The following NFKB1 variants were observed in gnomAD, a reference collection of about 807,000 sequenced individuals.
NFKB1 encodes nuclear factor kappa B subunit 1, also known as nuclear factor NF-kappa-B p105 subunit.
A neutral mutation model predicts 105.1 loss-of-function variants in NFKB1; 9 were observed. The observed-to-expected ratio is 0.09, with a 90% CI of 0.05 to 0.15. The LOEUF (loss-of-function observed/expected upper bound fraction) is 0.15, where lower values mean the gene tolerates loss of function less well. Among genes scored for constraint, NFKB1 ranks in the 10% least tolerant of loss-of-function variants. The pLI is 1.00. For missense variants in NFKB1, 830 were observed against 1,203.7 expected, an observed-to-expected ratio of 0.69 and a Z score of 4.59; for synonymous variants, 440 against 442.2, an observed-to-expected ratio of 1.00 and a Z score of 0.06.
chr4:102,593,492 T>C lies in NFKB1; in HGVS notation c.1134T>C (p.Gly378=), dbSNP rs969323232. 1 of 1,613,628 alleles carries C rather than the reference T, an allele frequency of 6.2e-7. No individual in the cohort carries two copies. Among genetic ancestry groups the C allele is most frequent in the Admixed American group, 1.7e-5 (1 of 59,998 alleles). The change falls in exon 12 of 24, where the codon GGT becomes GGC. Residue 378 remains glycine, a synonymous_variant. Transcript: ENST00000226574. The part of the protein sequence containing the change: ...MPNFSDSFGG[G]SGAGAGGGGM... ...ATTTTTCGGATAGTTTCGGCGGTGGTAGTGGTGCTGGAGCTGGAGGCGGAG... is the reference window on the plus strand; with the variant it reads ...ATTTTTCGGATAGTTTCGGCGGTGGCAGTGGTGCTGGAGCTGGAGGCGGAG...
At chr4:102,566,495 C>A (rs544689590) in intron 5 of NFKB1, among the ~76,000 whole-genome samples, 41 of 152,316 alleles carry the variant, frequency 2.7e-4, no homozygotes, top group African/African-American at 8.9e-4. Flanking sequence ...AGGTCCCTGG[C>A]AAGATTCTCC....
chr4:102,551,367 T>TGTGTGTGTGTGTGTGCACGCGA (rs370790173), intron 5 of NFKB1, among the ~76,000 whole-genome samples: 1 of 150,094 alleles, frequency 6.7e-6, no homozygotes, highest in African/African-American at 2.4e-5. Flanking sequence ...TGTGTGTGTG[T>TGTGTGTGTGTGTGTGCACGCGA]GCGCGCGCGC....
chr4:102,599,941 T>C (rs1302974615), intron 15 of NFKB1, among the ~76,000 whole-genome samples: 2 of 152,232 alleles, frequency 1.3e-5, no homozygotes, highest in Non-Finnish European at 2.9e-5. Context: ...TGAGTGACTT[T>C]GACACCACCA....
chr4:102,528,113 A>G (rs1741043571), intron 2 of NFKB1, among the ~76,000 whole-genome samples: 1 of 152,114 alleles, frequency 6.6e-6, no homozygotes, highest in Non-Finnish European at 1.5e-5. Context: ...AAACAATGCA[A>G]GCTGCAGCAC....
chr4:102,585,646 T>C (rs1396439775), intron 11 of NFKB1, among the ~76,000 whole-genome samples: 4 of 152,312 alleles, frequency 2.6e-5, no homozygotes, highest in Middle Eastern at 3.4e-3. Flanking sequence ...ATAATGTAAA[T>C]TATGATTTTA....
intron 4 of NFKB1, among the ~76,000 whole-genome samples, chr4:102,536,538 A>G (rs1416011745): frequency 6.6e-6 from 1 of 152,198 alleles, no homozygotes; most frequent in Non-Finnish European, 1.5e-5. Context: ...AATCAGTTCA[A>G]GGCACCTGGA....
intron 5 of NFKB1, among the ~76,000 whole-genome samples, chr4:102,547,681 A>G (rs1243293089): frequency 6.6e-6 from 1 of 152,222 alleles, no homozygotes; most frequent in Non-Finnish European, 1.5e-5. Context: ...AACCAAATAC[A>G]CTACTACAAA....
chr4:102,526,052 G>A (rs1007505873), intron 2 of NFKB1, among the ~76,000 whole-genome samples: 2 of 151,956 alleles, frequency 1.3e-5, no homozygotes, highest in Non-Finnish European at 2.9e-5. Flanking sequence ...GCTTCTTCCC[G>A]GCGTGTCTCT....
chr4:102,534,372 A>G (rs545269224), intron 4 of NFKB1, among the ~76,000 whole-genome samples: 5 of 152,304 alleles, frequency 3.3e-5, no homozygotes, highest in African/African-American at 7.2e-5. Flanking sequence ...TACTGAAAGT[A>G]CCAGTGGGAA....
intron 1 of NFKB1, chr4:102,510,787 G>T (rs959336195): frequency 8.3e-6 from 2 of 241,778 alleles, no homozygotes; most frequent in Admixed American, 5.6e-5. Flanking sequence ...ATGCTAGATT[G>T]ATTCAAGGTC....
At chr4:102,565,277 G>A (rs1415499907) in intron 5 of NFKB1, among the ~76,000 whole-genome samples, 1 of 152,108 alleles carries the variant, frequency 6.6e-6, no homozygotes, top group African/African-American at 2.4e-5. Flanking sequence ...AGGTTAGAAG[G>A]TTTAGAAGCA....
chr4:102,533,313 A>T (rs1741423027), intron 3 of NFKB1, among the ~76,000 whole-genome samples: 1 of 152,158 alleles, frequency 6.6e-6, no homozygotes, highest in Admixed American at 6.6e-5. Context: ...ACCTAGTGTA[A>T]GGAAAAAGAG....
intron 11 of NFKB1, among the ~76,000 whole-genome samples, chr4:102,587,640 C>T (rs1560698708): frequency 1.3e-5 from 2 of 152,044 alleles, no homozygotes; most frequent in Non-Finnish European, 2.9e-5. Flanking sequence ...GCTTCATGCA[C>T]CTACCTTCCA....
At chr4:102,544,085 C>A (rs1300541752) in intron 5 of NFKB1, among the ~76,000 whole-genome samples, 1 of 147,164 alleles carries the variant, frequency 6.8e-6, no homozygotes, top group Non-Finnish European at 1.5e-5. Flanking sequence ...TTTTTAGATT[C>A]CTAAATTTAT....
rs576104169 is a variant in NFKB1 at position 102,525,482 on chromosome 4, AGTTTTGTTTT to A, written c.-7-19_-7-10del. The A allele has an allele frequency of 1.8e-5, 29 of 1,602,510 alleles. No individual in the cohort carries two copies. The highest frequency in any genetic ancestry group is 2.5e-5 in the Non-Finnish European group (29 of 1,171,470). Reference sequence around the variant, plus strand: ...TTTTTAAAGTTCATTCTAGTGTTACAGTTTTGTTTTGTTTTGTTTTAATACACAGCTTCAG... The same window carrying A: ...TTTTTAAAGTTCATTCTAGTGTTACAGTTTTGTTTTAATACACAGCTTCAG... On this transcript the variant is annotated intron_variant, in intron 1 of 23. Transcript: ENST00000226574.
intron 6 of NFKB1, among the ~76,000 whole-genome samples, chr4:102,570,412 A>G (rs1724238444): frequency 6.6e-6 from 1 of 152,144 alleles, no homozygotes; most frequent in Non-Finnish European, 1.5e-5. Context: ...ATGGCTGCAT[A>G]GTATTCCATG....
At chr4:102,516,754 T>C (rs948766337) in intron 1 of NFKB1, among the ~76,000 whole-genome samples, 2 of 152,238 alleles carry the variant, frequency 1.3e-5, no homozygotes, top group Non-Finnish European at 2.9e-5. Context: ...TTATGTTTTA[T>C]TGTACATTGT....
chr4:102,552,240 C>G, intron 5 of NFKB1, among the ~76,000 whole-genome samples: 1 of 152,136 alleles, frequency 6.6e-6, no homozygotes, highest in South Asian at 2.1e-4. Context: ...GGAGTAGTTA[C>G]TGAGCCTGAG....
At chr4:102,614,567 C>T (rs953784766) in intron 23 of NFKB1, among the ~76,000 whole-genome samples, 45 of 152,262 alleles carry the variant, frequency 3.0e-4, no homozygotes, top group Admixed American at 2.9e-3. Flanking sequence ...CCACCTTCCA[C>T]CCTCTGCTTG....
Sources: gnomAD v4.1 joint callset for allele counts (sites outside exome capture counted in the v4.1 genomes callset) on GRCh38, gnomAD v4.1.1 for gene constraint, MANE v1.5 for transcripts, NCBI Gene and HGNC (gene_info 2026-07-23, HGNC 2026-07-21) for gene names.